The following URB2 variants were observed in gnomAD, a reference collection of about 807,000 sequenced individuals.
URB2 encodes unhealthy ribosome biogenesis protein 2 homolog.
Under a neutral mutation model 120.9 loss-of-function variants are expected in URB2, and 86 were observed. The ratio of observed to expected loss-of-function variants is 0.71; its 90% CI spans 0.60 to 0.85. The LOEUF is 0.85. Ranked by LOEUF, URB2 falls within the 40% of genes least tolerant of loss-of-function variation. The pLI is 0.00. For synonymous variants in URB2, 755 were observed against 758.4 expected, an observed-to-expected ratio of 1.00 and a Z score of 0.07; for missense variants, 1,765 against 1,836.5, an observed-to-expected ratio of 0.96 and a Z score of 0.71.
At position 229,637,775 on chromosome 1, in the gene URB2, G is replaced by A; in HGVS notation, c.3162G>A (p.Gln1054=). ...QLENQNPQGR[Q]LLLVSLTRLC... ...AAAATCAGAACCCCCAGGGCAGGCAGCTCCTTCTGGTGTCTTTAACCAGGT... is the reference window on the plus strand; with the variant it reads ...AAAATCAGAACCCCCAGGGCAGGCAACTCCTTCTGGTGTCTTTAACCAGGT... The change falls in exon 4 of 10, where the codon CAG becomes CAA. Residue 1054 remains glutamine (Q), a synonymous_variant. Coordinates refer to ENST00000258243, the MANE Select transcript of URB2 (RefSeq NM_014777.4). The A allele has an allele frequency of 6.2e-7, 1 of 1,614,066 alleles. No individual in the cohort carries two copies.
At chr1:229,654,120 C>A in intron 8 of URB2, 129 bp from the exon 9 acceptor site, 1 of 1,328,722 alleles carries the variant, frequency 7.5e-7, no homozygotes, top group Non-Finnish European at 1.0e-6. Flanking sequence ...GCAAAATAAG[C>A]CAATTAAAGA....
intron 6 of URB2, among the ~76,000 whole-genome samples, 187 bp downstream of exon 6, chr1:229,646,156 G>A (rs1427819202): frequency 6.6e-6 from 1 of 152,150 alleles, no homozygotes; most frequent in African/African-American, 2.4e-5. Context: ...TGGTATCAAC[G>A]GTTGGAGCAG....
chr1:229,635,722 A>G lies in URB2; in HGVS notation c.1109A>G (p.Asn370Ser). The part of the protein sequence containing the change: ...VEQLLNSVAN[N>S]NIYNIAADRI... ...CAGCTACTAAACTCAGTGGCCAACA[A>G]CAATATCTACAACATCGCTGCCGAC... The change falls in exon 4 of 10, where the codon AAC becomes AGC. Residue 370 changes from asparagine (N) to serine (S), a missense_variant. Asn to Ser is a conservative substitution (Grantham distance 46, BLOSUM62 1). Transcript: ENST00000258243. 1.2e-6 allele frequency: 2 copies of G among 1,614,224 alleles called. No homozygotes were observed. Among genetic ancestry groups the G allele is most frequent in the Non-Finnish European group, 8.5e-7 (1 of 1,180,044 alleles).
At chr1:229,641,842 C>G (rs553872613) in intron 4 of URB2, among the ~76,000 whole-genome samples, 7 of 152,158 alleles carry the variant, frequency 4.6e-5, no homozygotes, top group African/African-American at 1.4e-4. Context: ...GGTGAAAAAG[C>G]AAAACCCCAT....
chr1:229,635,895 G>A lies in URB2; in HGVS notation c.1282G>A (p.Asp428Asn), dbSNP rs1169077369. The A allele has an allele frequency of 1.1e-5, 17 of 1,614,248 alleles. No homozygotes were observed. Among genetic ancestry groups the A allele is most frequent in the Non-Finnish European group, 1.4e-5 (16 of 1,180,052 alleles). The change falls in exon 4 of 10, where the codon GAT becomes AAT. Residue 428 changes from aspartate to asparagine, a missense_variant. Asp to Asn is a conservative substitution (Grantham distance 23). Transcript: ENST00000258243. ...TCATTTGATTTTGGAGCCAGACCTG[G>A]ATGACCTGCTGGCTTCAGCGTGGAT... ...LNHLILEPDL[D>N]DLLASAWIDA...
intron 2 of URB2, among the ~76,000 whole-genome samples, chr1:229,630,657 G>C (rs1665634349): frequency 1.3e-5 from 2 of 152,228 alleles, no homozygotes; most frequent in African/African-American, 4.8e-5. Flanking sequence ...TTGAAGCTTT[G>C]AAGCCAGGCA....
chr1:229,628,144 ATAAT>A lies in URB2; in HGVS notation c.126+386_126+389del, dbSNP rs1265884303. ...GTATATATACATATATAATATATAT[ATAAT>A]ATATATAGTATATGTATAGTATATA... On this transcript the variant is annotated intron_variant, in intron 2 of 9. Coordinates refer to ENST00000258243, the MANE Select transcript of URB2 (RefSeq NM_014777.4). 7.6e-5 allele frequency among the ~76,000 whole-genome samples: 9 copies of A among 118,972 alleles called. 1 individual carries two copies. The highest frequency in any genetic ancestry group is 3.2e-4 in the African/African-American group (9 of 27,782). 78.1% of individuals were successfully genotyped at this position (118,972 alleles called of 152,430 possible).
chr1:229,628,190 A>ATT (rs1558160183), intron 2 of URB2, among the ~76,000 whole-genome samples: 11 of 144,500 alleles, frequency 7.6e-5, no homozygotes, highest in African/African-American at 1.8e-4. Flanking sequence ...TAATATATAT[A>ATT]ATATATATGT....
chr1:229,658,355 C>T (rs1349168419), intron 9 of URB2, among the ~76,000 whole-genome samples: 1 of 152,148 alleles, frequency 6.6e-6, no homozygotes, highest in Admixed American at 6.5e-5. Flanking sequence ...CTGGCTGCCA[C>T]CCACACTCCT....
At chr1:229,651,179 A>G in intron 7 of URB2, 56 bp from the exon 8 acceptor site, 1 of 1,495,540 alleles carries the variant, frequency 6.7e-7, no homozygotes. Context: ...CCTTTAAAGT[A>G]GAAAAACTTA....
rs766725100 is a variant in URB2 at position 229,659,195 on chromosome 1, C to T, written c.4473C>T (p.Ala1491=). The change falls in exon 10 of 10, where the codon GCC becomes GCT. Residue 1491 remains alanine, a synonymous_variant. Transcript: ENST00000258243. ...AGCCTGACGTCCAGTTCCTGCGGGC[C>T]TCGCTGCAGCCGGGAATGAGAGACA... ...CIEPDVQFLR[A]SLQPGMRDIF... is the part of the protein sequence containing the mutation. 4.3e-6 allele frequency: 7 copies of T among 1,613,880 alleles called. No homozygotes were observed. In the Admixed American group the frequency reaches 8.3e-5, roughly 19 times the overall value.
At chr1:229,658,714 A>C (rs1317860455) in intron 9 of URB2, among the ~76,000 whole-genome samples, 1 of 152,140 alleles carries the variant, frequency 6.6e-6, no homozygotes, top group Admixed American at 6.5e-5. Context: ...ACGGTGTAGA[A>C]GAATTTGACA....
Position 229,637,121 on chromosome 1 carries a change from G to A in URB2, c.2508G>A (p.Gln836=). Residue 836 remains glutamine, a synonymous_variant, in exon 4 of 10, where the codon CAG becomes CAA. Transcript: ENST00000258243. ...GAQRDSGLVS[Q]QLPWLFEKDH... is the part of the protein sequence containing the mutation. ...AGCGTGACTCAGGTCTTGTCAGTCA[G>A]CAGCTTCCCTGGCTTTTTGAAAAGG... 1 of 1,613,012 alleles carries A rather than the reference G, an allele frequency of 6.2e-7. No individual in the cohort carries two copies. The highest frequency in any genetic ancestry group is 1.7e-5 in the Admixed American group (1 of 59,898).
chr1:229,637,436 C>A lies in URB2; in HGVS notation c.2823C>A (p.Phe941Leu). ...CSCSSSLALK[F>L]LTTCYQLLGY... is the part of the protein sequence containing the mutation. ...GCTCCTCCTCACTGGCTCTCAAGTTCTTGACGACTTGCTACCAACTTCTTG... is the reference window on the plus strand; with the variant it reads ...GCTCCTCCTCACTGGCTCTCAAGTTATTGACGACTTGCTACCAACTTCTTG... The change falls in exon 4 of 10, where the codon TTC becomes TTA. Residue 941 changes from phenylalanine to leucine, a missense_variant. Coordinates refer to ENST00000258243, the MANE Select transcript of URB2 (RefSeq NM_014777.4). 6.2e-7 allele frequency: 1 copy of A among 1,614,148 alleles called. No homozygotes were observed. Among genetic ancestry groups the A allele is most frequent in the African/African-American group, 1.3e-5 (1 of 75,052 alleles).
rs770002560 is a variant in URB2 at position 229,637,160 on chromosome 1, G to C, written c.2547G>C (p.Val849=). The C allele has an allele frequency of 3.7e-6, 6 of 1,613,792 alleles. No homozygotes were observed. The highest frequency in any genetic ancestry group is 4.2e-6 in the Non-Finnish European group (5 of 1,179,808). ...PWLFEKDHMV[V]GHWENRFAKA... ...TTTTTGAAAAGGACCACATGGTTGT[G>C]GGTCATTGGGAAAACAGATTTGCAA... is the stretch of plus-strand genomic sequence containing the variant. Residue 849 remains valine, a synonymous_variant, in exon 4 of 10, where the codon GTG becomes GTC. Coordinates refer to ENST00000258243, the MANE Select transcript of URB2 (RefSeq NM_014777.4).
chr1:229,647,465 TG>T, intron 6 of URB2, 44 bp from the exon 7 acceptor site: 1 of 1,590,450 alleles, frequency 6.3e-7, no homozygotes, highest in Non-Finnish European at 8.6e-7. Context: ...GTTATTTCCT[TG>T]GGGAATTACT....
In URB2 at chr1:229,635,724, A is replaced by AAT. The variant is rs1384569763; in HGVS notation, c.1114_1115dup (p.Tyr373SerfsTer26). 1 of 1,614,070 alleles carries AAT rather than the reference A, an allele frequency of 6.2e-7. No individual in the cohort carries two copies. Among genetic ancestry groups the AAT allele is most frequent in the Admixed American group, 1.7e-5 (1 of 59,998 alleles). Reference sequence around the variant, plus strand: ...GCTACTAAACTCAGTGGCCAACAACAATATCTACAACATCGCTGCCGACAG... The same window carrying AAT: ...GCTACTAAACTCAGTGGCCAACAACAATATATCTACAACATCGCTGCCGACAG... On this transcript the variant is annotated frameshift_variant, in exon 4 of 10. Coordinates refer to ENST00000258243, the MANE Select transcript of URB2 (RefSeq NM_014777.4). LOFTEE classifies it high-confidence loss of function.
intron 9 of URB2, among the ~76,000 whole-genome samples, chr1:229,654,692 A>G (rs1396373831): frequency 1.3e-5 from 2 of 152,116 alleles, no homozygotes; most frequent in African/African-American, 2.4e-5. Context: ...GGGTCTCCCT[A>G]TGTTGTGCAG....
rs200574089 is a variant in URB2 at position 229,659,264 on chromosome 1, C to T, written c.4542C>T (p.Ala1514=). Residue 1514 remains alanine, a synonymous_variant, in exon 10 of 10, where the codon GCC becomes GCT. Transcript: ENST00000258243. ...LYNDYLKYHK[A]KHEGEKRYTA ...ATGACTATCTCAAGTACCACAAGGC[C>T]AAACATGAAGGAGAGAAAAGATATA... 6.2e-7 allele frequency: 1 copy of T among 1,613,820 alleles called. No individual in the cohort carries two copies. The highest frequency in any genetic ancestry group is 8.5e-7 in the Non-Finnish European group (1 of 1,180,028).
Sources: allele counts gnomAD v4.1 joint callset (sites outside exome capture counted in the v4.1 genomes callset), GRCh38; gene constraint gnomAD v4.1.1; transcripts MANE v1.5; gene names NCBI Gene and HGNC (gene_info 2026-07-23, HGNC 2026-07-21).